The following CACNA1A variants were observed in gnomAD, a reference collection of about 807,000 sequenced individuals.
The protein encoded by CACNA1A is voltage-dependent P/Q-type calcium channel subunit alpha-1A.
Under a neutral mutation model 262.4 loss-of-function variants are expected in CACNA1A, and 57 were observed. That is an observed-to-expected ratio of 0.22 (90% CI 0.18 to 0.27). The LOEUF (loss-of-function observed/expected upper bound fraction) is 0.27. CACNA1A is among the 10% of genes least tolerant of loss of function. The probability of loss-of-function intolerance (pLI) is 1.00; values close to 1 mark genes in which losing one functional copy is unlikely to be tolerated. For missense variants in CACNA1A, 2,526 were observed against 3,562.8 expected, an observed-to-expected ratio of 0.71 and a Z score of 7.41; for synonymous variants, 1,431 against 1,419.3, an observed-to-expected ratio of 1.01 and a Z score of -0.18.
In CACNA1A at chr19:13,241,654, G is replaced by T. The variant is rs924418395; in HGVS notation, c.4950+3528C>A. Reference sequence around the variant, plus strand: ...CAATGGGTTTCGGTTCCCGGGCGGGGAGTGGGGGTGGTGGTGGCGGTGGGT... The same window carrying T: ...CAATGGGTTTCGGTTCCCGGGCGGGTAGTGGGGGTGGTGGTGGCGGTGGGT... On this transcript the variant is annotated intron_variant, in intron 31 of 46. Transcript: ENST00000360228. The surrounding 1 kb of genome is among the most constrained non-coding windows in gnomAD (Gnocchi z 4.0). 2 of 647,388 alleles carry T rather than the reference G, an allele frequency of 3.1e-6. No homozygotes were observed. Among genetic ancestry groups the T allele is most frequent in the Non-Finnish European group, 5.7e-6 (2 of 352,988 alleles). 40.1% of individuals were successfully genotyped at this position (647,388 alleles called of 1,614,324 possible). A position where few individuals can be genotyped will look rare whatever the true frequency, so the allele number is the denominator to read the frequency against.
chr19:13,360,203 T>C (rs1178412397), intron 5 of CACNA1A, among the ~76,000 whole-genome samples: 3 of 151,140 alleles, frequency 2.0e-5, no homozygotes, highest in Admixed American at 6.6e-5. Flanking sequence ...CTTTGACCTA[T>C]GGGTAATTTA....
chr19:13,345,448 C>T (rs751744170), intron 6 of CACNA1A, among the ~76,000 whole-genome samples: 17 of 152,146 alleles, frequency 1.1e-4, no homozygotes, highest in South Asian at 4.1e-4. Context: ...ACTGATTCAT[C>T]CCAGTATCGC....
intron 8 of CACNA1A, 70 bp from the exon 9 acceptor site, chr19:13,332,995 G>T: frequency 1.6e-6 from 2 of 1,215,630 alleles, no homozygotes; most frequent in Non-Finnish European, 1.2e-6. Flanking sequence ...CCAGGAAGAA[G>T]GGTCTGCCCG....
intron 24 of CACNA1A, among the ~76,000 whole-genome samples, chr19:13,266,005 C>T (rs781386584): frequency 3.9e-5 from 6 of 151,950 alleles, no homozygotes; most frequent in East Asian, 1.9e-4. Context: ...CCATCACGTC[C>T]GGCTAATTTT....
intron 3 of CACNA1A, among the ~76,000 whole-genome samples, chr19:13,424,905 A>C (rs550231077): frequency 3.9e-5 from 6 of 152,244 alleles, no homozygotes; most frequent in African/African-American, 1.4e-4. Flanking sequence ...CCCGGGTTCA[A>C]GCAATTCTCC....
chr19:13,316,980 A>C, intron 11 of CACNA1A, 132 bp downstream of exon 11: 1 of 616,972 alleles, frequency 1.6e-6, no homozygotes. Context: ...ACAGTTATAG[A>C]AATGGCTAAA....
chr19:13,402,757 CACATATATAT>C lies in CACNA1A; in HGVS notation c.540-30988_540-30979del, dbSNP rs1451727680. ...ACATATATATACACATATATATACA[CACATATATAT>C]ACATATATATACATATATATACATA... On this transcript the variant is annotated intron_variant, in intron 3 of 46. Coordinates refer to ENST00000360228, the MANE Select transcript of CACNA1A (RefSeq NM_001127222.2). Among the ~76,000 whole-genome samples, 216 of 140,820 alleles carry C rather than the reference CACATATATAT, an allele frequency of 1.5e-3. 1 individual carries two copies. The highest frequency in any genetic ancestry group is 0.011 in the South Asian group (47 of 4,410). 92.4% of individuals were successfully genotyped at this position (140,820 alleles called of 152,430 possible).
In CACNA1A at chr19:13,320,832, A is replaced by G. The variant is rs149905616; in HGVS notation, c.1346-3511T>C. 6.7e-3 allele frequency among the ~76,000 whole-genome samples: 1,017 copies of G among 152,164 alleles called. 12 individuals carry two copies. Among genetic ancestry groups the G allele is most frequent in the African/African-American group, 0.024 (979 of 41,516 alleles). On this transcript the variant is annotated intron_variant, in intron 10 of 46. Transcript: ENST00000360228. ...TTCATGAGATGTTTTATTCAACCCA[A>G]TACATCCAAAATATTACCATTTCAA...
At chr19:13,370,774 G>A (rs539122709) in intron 4 of CACNA1A, 21 of 150,944 alleles carry the variant, frequency 1.4e-4, no homozygotes, top group African/African-American at 4.9e-4. Flanking sequence ...TATTGGCGGG[G>A]GGGTGGGGGT....
At chr19:13,455,261 G>A in intron 1 of CACNA1A, 49 bp from the exon 2 acceptor site, 2 of 1,163,932 alleles carry the variant, frequency 1.7e-6, no homozygotes. Context: ...GAAGGGTGTT[G>A]GAGGTGCACC....
chr19:13,482,973 C>CT (rs1467397430), intron 1 of CACNA1A, among the ~76,000 whole-genome samples: 1 of 151,462 alleles, frequency 6.6e-6, no homozygotes, highest in African/African-American at 2.4e-5. Flanking sequence ...GGGCCCACAC[C>CT]TTTGTAAGCT....
chr19:13,302,836 G>A (rs997856998), intron 17 of CACNA1A, among the ~76,000 whole-genome samples: 3 of 152,244 alleles, frequency 2.0e-5, no homozygotes, highest in African/African-American at 4.8e-5. Flanking sequence ...CAGATGGAGC[G>A]TTGGCAACGT....
chr19:13,316,974 T>C lies in CACNA1A; in HGVS notation c.1555+138A>G, dbSNP rs994389337. ...ACAGTAACATTGGCCCCAGTGACAGTTATAGAAATGGCTAAAGGAAAGGGC... is the reference window on the plus strand; with the variant it reads ...ACAGTAACATTGGCCCCAGTGACAGCTATAGAAATGGCTAAAGGAAAGGGC... On this transcript the variant is annotated intron_variant, in intron 11 of 46. Coordinates refer to ENST00000360228, the MANE Select transcript of CACNA1A (RefSeq NM_001127222.2). 18 of 604,564 alleles carry C rather than the reference T, an allele frequency of 3.0e-5. No individual in the cohort carries two copies. The African/African-American group carries it at 3.1e-4, about 11-fold the overall frequency. The allele number at this position is 604,564 out of a possible 1,614,324, so 37.4% of individuals were successfully genotyped here.
intron 3 of CACNA1A, among the ~76,000 whole-genome samples, chr19:13,376,529 A>G (rs935506279): frequency 7.3e-5 from 11 of 150,646 alleles, no homozygotes; most frequent in African/African-American, 2.7e-4. Flanking sequence ...GTTGAGATCT[A>G]CTCAGAAAAA....
chr19:13,221,335 G>C (rs551346512), intron 38 of CACNA1A, among the ~76,000 whole-genome samples: 15 of 142,444 alleles, frequency 1.1e-4, no homozygotes, highest in Admixed American at 8.9e-4. Context: ...CCAGGTTCAA[G>C]TAATTCTTGT....
At chr19:13,498,626 C>T (rs994550182) in intron 1 of CACNA1A, among the ~76,000 whole-genome samples, 2 of 152,174 alleles carry the variant, frequency 1.3e-5, no homozygotes, top group Admixed American at 6.5e-5. Context: ...AAACTTGATC[C>T]GGACTTAACT....
intron 3 of CACNA1A, among the ~76,000 whole-genome samples, chr19:13,414,636 T>A (rs1202085880): frequency 6.6e-6 from 1 of 152,008 alleles, no homozygotes; most frequent in South Asian, 2.1e-4. Context: ...AGAGAAAATG[T>A]CTTAGCATGG....
At chr19:13,378,156 A>G (rs913346803) in intron 3 of CACNA1A, among the ~76,000 whole-genome samples, 1 of 152,212 alleles carries the variant, frequency 6.6e-6, no homozygotes, top group African/African-American at 2.4e-5. Context: ...CAAGAGAACT[A>G]GAGTTAGAAG....
At chr19:13,217,560 G>A (rs142066858) in intron 38 of CACNA1A, among the ~76,000 whole-genome samples, 1 of 152,302 alleles carries the variant, frequency 6.6e-6, no homozygotes, top group East Asian at 1.9e-4. Context: ...ACTCCAGGAT[G>A]AGGCCTGGCA....
Sources: allele counts gnomAD v4.1 joint callset (sites outside exome capture counted in the v4.1 genomes callset), GRCh38; gene constraint gnomAD v4.1.1; non-coding constraint Gnocchi (gnomAD v3.1); transcripts MANE v1.5; gene names NCBI Gene and HGNC (gene_info 2026-07-23, HGNC 2026-07-21).